The following C7orf33 variants were observed in gnomAD, a reference collection of about 807,000 sequenced individuals.
C7orf33 encodes the protein uncharacterized protein C7orf33.
C7orf33 carries 15 observed loss-of-function variants against 13.4 expected under a neutral mutation model. That is an observed-to-expected ratio of 1.12 (90% CI 0.75 to 1.72). The LOEUF (loss-of-function observed/expected upper bound fraction) is 1.72, where lower values mean the gene tolerates loss of function less well. Among genes scored for constraint, C7orf33 ranks in the 40% most tolerant of loss-of-function variants. C7orf33 has a pLI of 0.00. For missense variants in C7orf33, 187 were observed against 220.3 expected, an observed-to-expected ratio of 0.85 and a Z score of 0.96; for synonymous variants, 73 against 83.2, an observed-to-expected ratio of 0.88 and a Z score of 0.67.
At chr7:148,610,314 T>G (rs974588276) in intron 1 of C7orf33, among the ~76,000 whole-genome samples, 2 of 152,132 alleles carry the variant, frequency 1.3e-5, no homozygotes, top group Non-Finnish European at 2.9e-5. Context: ...ACCCTTAATA[T>G]GGGTGGGCAC....
In C7orf33 at chr7:148,615,674, C is replaced by A. The variant is rs940056511; in HGVS notation, c.*273C>A. 3.7e-5 allele frequency: 13 copies of A among 352,954 alleles called. No homozygotes were observed. The highest frequency in any genetic ancestry group is 2.7e-4 in the African/African-American group (13 of 47,962). 21.9% of individuals were successfully genotyped at this position (352,954 alleles called of 1,614,324 possible). A position where few individuals can be genotyped will look rare whatever the true frequency, so the allele number is the denominator to read the frequency against. ...CCACGGAGTGACAAGCCACCAGGTT[C>A]TAAAGGGAGACGAAGATCCCCAGAG... On this transcript the variant is annotated 3_prime_UTR_variant, in exon 3 of 3. Transcript: ENST00000307003.
intron 1 of C7orf33, among the ~76,000 whole-genome samples, chr7:148,595,768 T>C (rs1287999131): frequency 6.9e-6 from 1 of 145,254 alleles, no homozygotes; most frequent in African/African-American, 2.5e-5. Context: ...TATATATCTA[T>C]ATCTCAAGCA....
At chr7:148,604,571 G>C (rs1327816544) in intron 1 of C7orf33, among the ~76,000 whole-genome samples, 1 of 152,184 alleles carries the variant, frequency 6.6e-6, no homozygotes, top group East Asian at 1.9e-4. Flanking sequence ...AGGGTGGGAG[G>C]GGGATGAGGA....
At chr7:148,614,563 A>G (rs866434457) in intron 2 of C7orf33, among the ~76,000 whole-genome samples, 16 of 152,216 alleles carry the variant, frequency 1.1e-4, no homozygotes, top group African/African-American at 3.9e-4. Flanking sequence ...TTATTAAGAG[A>G]ACATAAGGCA....
chr7:148,612,421 A>T (rs573734433), intron 1 of C7orf33, among the ~76,000 whole-genome samples: 4 of 152,256 alleles, frequency 2.6e-5, no homozygotes, highest in South Asian at 2.1e-4. Flanking sequence ...ATCAAAATTA[A>T]AATCTTTTAT....
chr7:148,606,933 T>TACACACACACACAC (rs112000703), intron 1 of C7orf33, among the ~76,000 whole-genome samples: 30,947 of 139,036 alleles, frequency 0.22, 4,270 homozygotes, highest in Admixed American at 0.29. Flanking sequence ...AAAAAAAAAA[T>TACACACACACACAC]ACACACACAC....
chr7:148,595,414 A>C (rs1354058712), intron 1 of C7orf33, among the ~76,000 whole-genome samples: 9 of 115,698 alleles, frequency 7.8e-5, no homozygotes, highest in African/African-American at 2.5e-4. Flanking sequence ...ATATAGATCT[A>C]TATTATATAG....
intron 1 of C7orf33, among the ~76,000 whole-genome samples, chr7:148,604,430 G>C (rs1796451002): frequency 6.6e-6 from 1 of 152,100 alleles, no homozygotes; most frequent in Non-Finnish European, 1.5e-5. Flanking sequence ...CCCGGCCTAG[G>C]GATCATTATT....
intron 1 of C7orf33, among the ~76,000 whole-genome samples, chr7:148,602,785 CTAAAGA>C (rs1796430977): frequency 6.6e-6 from 1 of 152,114 alleles, no homozygotes; most frequent in Admixed American, 6.6e-5. Context: ...CAAAAATAAT[CTAAAGA>C]TAAACTGTTG....
chr7:148,615,106 T>C (rs1181504234), intron 2 of C7orf33, among the ~76,000 whole-genome samples: 3 of 152,162 alleles, frequency 2.0e-5, no homozygotes, highest in African/African-American at 7.2e-5. Flanking sequence ...GACTGGCTAA[T>C]TTTTATATTT....
At chr7:148,611,439 C>T (rs1402424367) in intron 1 of C7orf33, among the ~76,000 whole-genome samples, 1 of 152,178 alleles carries the variant, frequency 6.6e-6, no homozygotes. Context: ...AGAGGGACGT[C>T]TTGATGCCGA....
At chr7:148,615,283 T>C in intron 2 of C7orf33, 44 bp from the exon 3 acceptor site, 1 of 1,303,598 alleles carries the variant, frequency 7.7e-7, no homozygotes, top group Non-Finnish European at 1.1e-6. Context: ...AGGGAAAAGG[T>C]AAATCATCCT....
rs1245568832 is a variant in C7orf33, at chr7:148,614,086, T to C, written c.249T>C (p.Ile83=). ...HQNMNRGMEF[I]APVSAPTKSG... ...ACATGAACCGGGGGATGGAATTTATTGCTCCTGTATCAGCTCCCACCAAAT... is the reference window on the plus strand; with the variant it reads ...ACATGAACCGGGGGATGGAATTTATCGCTCCTGTATCAGCTCCCACCAAAT... Residue 83 remains isoleucine, a synonymous_variant, in exon 2 of 3, where the codon ATT becomes ATC. Transcript: ENST00000307003. The C allele has an allele frequency of 3.1e-6, 5 of 1,614,190 alleles. No homozygotes were observed. The East Asian group carries it at 8.9e-5, about 29-fold the overall frequency.
intron 2 of C7orf33, 79 bp downstream of exon 2, chr7:148,614,375 T>C: frequency 1.4e-6 from 2 of 1,448,886 alleles, no homozygotes; most frequent in Non-Finnish European, 1.9e-6. Context: ...AAAATGAAGA[T>C]TGGAGGGATT....
rs1318542097 is a variant in C7orf33, at chr7:148,595,736, T to A, written c.204+4607T>A. On this transcript the variant is annotated intron_variant, in intron 1 of 2. Transcript: ENST00000307003. Reference sequence around the variant, plus strand: ...ATATATTATATATAATATACATCTATGTTATATAGATATAATATATATATA... The same window carrying A: ...ATATATTATATATAATATACATCTAAGTTATATAGATATAATATATATATA... Among the ~76,000 whole-genome samples the A allele has an allele frequency of 2.2e-5, 3 of 139,416 alleles. No homozygotes were observed. In the Admixed American group the frequency reaches 2.3e-4, roughly 11 times the overall value. The allele number at this position is 139,416 out of a possible 152,430, so 91.5% of individuals were successfully genotyped here. A position where few individuals can be genotyped will look rare whatever the true frequency, so the allele number is the denominator to read the frequency against.
intron 1 of C7orf33, among the ~76,000 whole-genome samples, chr7:148,607,727 G>A (rs1796489941): frequency 6.6e-6 from 1 of 152,066 alleles, no homozygotes; most frequent in Non-Finnish European, 1.5e-5. Flanking sequence ...TTTTCACTTA[G>A]GAATCACCAA....
chr7:148,600,107 TTG>T (rs143048176), intron 1 of C7orf33, among the ~76,000 whole-genome samples: 17,494 of 152,146 alleles, frequency 0.11, 1,102 homozygotes, highest in Middle Eastern at 0.2. Flanking sequence ...GCACAGCCTC[TTG>T]TCTCTGGGTA....
At chr7:148,598,773 G>GTTT (rs1796379749) in intron 1 of C7orf33, among the ~76,000 whole-genome samples, 1 of 59,366 alleles carries the variant, frequency 1.7e-5, no homozygotes, top group African/African-American at 9.7e-5. Context: ...TAGAGAGAGA[G>GTTT]AGAGAGAGAG....
At chr7:148,591,709 T>G (rs1324281381) in intron 1 of C7orf33, among the ~76,000 whole-genome samples, 1 of 151,992 alleles carries the variant, frequency 6.6e-6, no homozygotes, top group Non-Finnish European at 1.5e-5. Context: ...GCCTCCCGGG[T>G]GGCTAGGACT....
Sources: allele counts gnomAD v4.1 joint callset (sites outside exome capture counted in the v4.1 genomes callset), GRCh38; gene constraint gnomAD v4.1.1; transcripts MANE v1.5; gene names NCBI Gene and HGNC (gene_info 2026-07-23, HGNC 2026-07-21).